HSD17B3: variants seen among roughly 807,000 people sequenced by gnomAD.
HSD17B3 encodes 17-beta-hydroxysteroid dehydrogenase type 3.
HSD17B3 carries 29 observed loss-of-function variants against 41.1 expected under a neutral mutation model. The ratio of observed to expected loss-of-function variants is 0.71; its 90% confidence interval spans 0.53 to 0.96. The LOEUF (loss-of-function observed/expected upper bound fraction) is 0.96, where lower values mean the gene tolerates loss of function less well. Ranked by LOEUF, HSD17B3 falls within the 40% of genes least tolerant of loss-of-function variation. HSD17B3 has a pLI of 0.00. For missense variants in HSD17B3, 323 were observed against 374.6 expected, an observed-to-expected ratio of 0.86 and a Z score of 1.14; for synonymous variants, 126 against 145.6, an observed-to-expected ratio of 0.87 and a Z score of 0.97.
chr9:96,255,590 G>A (rs1244487474), intron 2 of HSD17B3, among the ~76,000 whole-genome samples: 1 of 151,508 alleles, frequency 6.6e-6, no homozygotes, highest in African/African-American at 2.4e-5. Flanking sequence ...GGGTTTCCCC[G>A]TGTTGGCCAG....
intron 2 of HSD17B3, among the ~76,000 whole-genome samples, chr9:96,259,386 C>T (rs1022477555): frequency 6.6e-6 from 1 of 152,104 alleles, no homozygotes; most frequent in Non-Finnish European, 1.5e-5. Context: ...TCCATCAGCG[C>T]AAGTCAGTTG....
At chr9:96,251,059 A>G (rs1301688147) in intron 5 of HSD17B3, 1 of 257,454 alleles carries the variant, frequency 3.9e-6, no homozygotes, top group East Asian at 7.1e-5. Context: ...CTGGGAAGAC[A>G]GAGAAAGCCA....
intron 2 of HSD17B3, among the ~76,000 whole-genome samples, chr9:96,277,252 G>C (rs1328093204): frequency 2.0e-5 from 3 of 151,070 alleles, no homozygotes; most frequent in Non-Finnish European, 2.9e-5. Flanking sequence ...GTGCAGCAAA[G>C]GAAACAATCA....
chr9:96,297,277 ATTAC>A (rs1827400185), intron 2 of HSD17B3, among the ~76,000 whole-genome samples: 1 of 148,644 alleles, frequency 6.7e-6, no homozygotes, highest in African/African-American at 2.5e-5. Context: ...TATTTCTAGG[ATTAC>A]TTATTTTTCT....
chr9:96,259,101 A>T (rs1314622320), intron 2 of HSD17B3, among the ~76,000 whole-genome samples: 1 of 152,158 alleles, frequency 6.6e-6, no homozygotes, highest in Non-Finnish European at 1.5e-5. Context: ...CTTGATCAAG[A>T]AGTGACCCGC....
chr9:96,275,095 A>G (rs1469482348), intron 2 of HSD17B3, among the ~76,000 whole-genome samples: 3 of 151,262 alleles, frequency 2.0e-5, no homozygotes, highest in Admixed American at 2.0e-4. Flanking sequence ...ACTGAAAGGA[A>G]AAAAAAAAGC....
At chr9:96,267,404 C>A (rs1225257671) in intron 2 of HSD17B3, among the ~76,000 whole-genome samples, 1 of 151,908 alleles carries the variant, frequency 6.6e-6, no homozygotes, top group Non-Finnish European at 1.5e-5. Context: ...GTGATCCACC[C>A]ACCTCGGCCT....
At chr9:96,247,813 T>G (rs1836732317) in intron 6 of HSD17B3, among the ~76,000 whole-genome samples, 1 of 152,160 alleles carries the variant, frequency 6.6e-6, no homozygotes, top group Non-Finnish European at 1.5e-5. Context: ...GTTCAGTTTC[T>G]TATTCCACCT....
At chr9:96,274,360 C>CTGAGGCAGGAGAATCACTTGAA (rs1221167537) in intron 2 of HSD17B3, among the ~76,000 whole-genome samples, 2 of 152,280 alleles carry the variant, frequency 1.3e-5, no homozygotes, top group Admixed American at 1.3e-4. Context: ...GCTCAGGAGG[C>CTGAGGCAGGAGAATCACTTGAA]TGAGGCAGGA....
At chr9:96,245,613 C>A (rs1218561290) in intron 7 of HSD17B3, among the ~76,000 whole-genome samples, 187 bp from the exon 8 acceptor site, 8 of 152,176 alleles carry the variant, frequency 5.3e-5, no homozygotes, top group African/African-American at 1.7e-4. Context: ...GGGCGCCACA[C>A]AGAGATGTCT....
At position 96,235,345 on chromosome 9, in the gene HSD17B3, C is replaced by G. The variant is rs1237578093; in HGVS notation, c.*115G>C. On this transcript the variant is annotated 3_prime_UTR_variant, in exon 11 of 11. Coordinates refer to ENST00000375263, the MANE Select transcript of HSD17B3 (RefSeq NM_000197.2). ...ATGTGTATTCTATGCCTCTGTGACC[C>G]CAGCCCCCTCCATCTTCAGCGGACT... 1.3e-6 allele frequency: 1 copy of G among 765,268 alleles called. No homozygotes were observed. Among genetic ancestry groups the G allele is most frequent in the East Asian group, 2.7e-5 (1 of 37,398 alleles). The allele number at this position is 765,268 out of a possible 1,614,324, so 47.4% of individuals were successfully genotyped here.
intron 6 of HSD17B3, among the ~76,000 whole-genome samples, chr9:96,248,907 ATTT>A (rs11417524): frequency 7.0e-6 from 1 of 142,232 alleles, no homozygotes; most frequent in African/African-American, 2.6e-5. Flanking sequence ...ATCCACAGCC[ATTT>A]TTTTTTTTTT....
intron 2 of HSD17B3, among the ~76,000 whole-genome samples, chr9:96,267,562 A>G (rs1826088257): frequency 6.6e-6 from 1 of 152,202 alleles, no homozygotes; most frequent in South Asian, 2.1e-4. Context: ...AAAAACGTAA[A>G]ACATTTTTAA....
At position 96,298,428 on chromosome 9, in the gene HSD17B3, C is replaced by T. The variant is rs372189709; in HGVS notation, c.189G>A (p.Ala63=). 49 of 1,613,626 alleles carry T rather than the reference C, an allele frequency of 3.0e-5. No homozygotes were observed. In the African/African-American group the frequency reaches 3.6e-4, roughly 12 times the overall value. ...GAAGATAGCTTACCTCGAACGAGTA[C>T]GCTTTCCCAATTCCATCGCCTGCTC... ...ITGAGDGIGK[A]YSFELAKRGL... is the part of the protein sequence containing the mutation. The change falls in exon 2 of 11, where the codon GCG becomes GCA. Residue 63 remains alanine (A), a synonymous_variant. Transcript: ENST00000375263.
rs34593569 is a variant in HSD17B3 at position 96,240,743 on chromosome 9, G to C, written c.822+15C>G. 109 of 1,613,922 alleles carry C rather than the reference G, an allele frequency of 6.8e-5. No homozygotes were observed. The highest frequency in any genetic ancestry group is 8.6e-5 in the Non-Finnish European group (101 of 1,179,994). On this transcript the variant is annotated intron_variant, in intron 10 of 10. Transcript: ENST00000375263. ...TCCCTCCCTGGCTTCAAGAAAAGGA[G>C]AAGTTATCAATTACCAAGATTTCAT...
At chr9:96,247,435 G>C (rs1159142378) in intron 6 of HSD17B3, 1 of 152,456 alleles carries the variant, frequency 6.6e-6, no homozygotes, top group Non-Finnish European at 1.5e-5. Flanking sequence ...GCTGTCCAGG[G>C]GCCCTGCAGC....
chr9:96,241,928 A>G (rs545022192), intron 9 of HSD17B3, among the ~76,000 whole-genome samples: 1 of 149,074 alleles, frequency 6.7e-6, no homozygotes, highest in Non-Finnish European at 1.5e-5. Context: ...TCAGAGTGAA[A>G]CCCTGTCAAA....
intron 2 of HSD17B3, among the ~76,000 whole-genome samples, chr9:96,293,345 G>A (rs191680473): frequency 1.3e-5 from 2 of 152,158 alleles, no homozygotes; most frequent in Non-Finnish European, 2.9e-5. Context: ...AAGAAAACAA[G>A]ATTGACCTTC....
intron 5 of HSD17B3, among the ~76,000 whole-genome samples, chr9:96,250,783 G>A (rs977846254): frequency 6.6e-6 from 1 of 151,814 alleles, no homozygotes; most frequent in Admixed American, 6.6e-5. Context: ...AGCTACTCAG[G>A]AGGCTGAGGC....
Sources: gnomAD v4.1 joint callset for allele counts (sites outside exome capture counted in the v4.1 genomes callset) on GRCh38, gnomAD v4.1.1 for gene constraint, MANE v1.5 for transcripts, NCBI Gene and HGNC (gene_info 2026-07-23, HGNC 2026-07-21) for gene names.